Variants in NEDD9 observed in about 807,000 individuals in gnomAD.
NEDD9 encodes the protein enhancer of filamentation 1.
A neutral mutation model predicts 76.6 loss-of-function variants in NEDD9; 26 were observed. The observed-to-expected ratio is 0.34, with a 90% CI of 0.25 to 0.47. The LOEUF is 0.47. NEDD9 is among the 20% of genes least tolerant of loss of function. The probability of loss-of-function intolerance (pLI) is 1.00; values close to 1 mark genes in which losing one functional copy is unlikely to be tolerated. For missense variants in NEDD9, 937 were observed against 1,058.5 expected, an observed-to-expected ratio of 0.89 and a Z score of 1.59; for synonymous variants, 392 against 414.2, an observed-to-expected ratio of 0.95 and a Z score of 0.65.
chr6:11,380,664 A>C (rs755978312), intron 1 of NEDD9, among the ~76,000 whole-genome samples: 2 of 152,134 alleles, frequency 1.3e-5, no homozygotes, highest in Non-Finnish European at 2.9e-5. Context: ...ATTCAATCTA[A>C]TCCTTACCAC....
At chr6:11,316,379 T>C (rs1211126946) in intron 2 of NEDD9, among the ~76,000 whole-genome samples, 1 of 152,160 alleles carries the variant, frequency 6.6e-6, no homozygotes, top group Non-Finnish European at 1.5e-5. Context: ...TTCCTTCATC[T>C]CCCTTTACTC....
chr6:11,201,576 T>C (rs3778168), intron 2 of NEDD9, among the ~76,000 whole-genome samples: 8 of 152,216 alleles, frequency 5.3e-5, no homozygotes, highest in African/African-American at 1.7e-4. Flanking sequence ...GACAGAGAGA[T>C]GGGATGGAGA....
Position 11,213,343 on chromosome 6 carries a change from G to C in NEDD9, c.397C>G (p.Gln133Glu), listed in dbSNP as rs1758841632. 1 of 1,614,012 alleles carries C rather than the reference G, an allele frequency of 6.2e-7. No individual in the cohort carries two copies. The highest frequency in any genetic ancestry group is 1.3e-5 in the African/African-American group (1 of 74,904). The change falls in exon 2 of 7, where the codon CAG becomes GAG. Residue 133 changes from glutamine (Q) to glutamate (E), a missense_variant. Coordinates refer to ENST00000379446, the MANE Select transcript of NEDD9 (RefSeq NM_006403.4). The surrounding 1 kb of genome is among the most constrained non-coding windows in gnomAD (Gnocchi z 5.4). ...GHGTQEQEVY[Q>E]VPPSVQRSIG... ...CTTCTCTGCACTGATGGTGGCACCTGATATACCTCTTGTTCTTGGGTGCCG... is the reference window on the plus strand; with the variant it reads ...CTTCTCTGCACTGATGGTGGCACCTCATATACCTCTTGTTCTTGGGTGCCG...
rs1759935481 is a variant in NEDD9 at position 11,252,677 on chromosome 6, A to C, written c.13-38950T>G. 6.6e-6 allele frequency among the ~76,000 whole-genome samples: 1 copy of C among 152,246 alleles called. No homozygotes were observed. Among genetic ancestry groups the C allele is most frequent in the Non-Finnish European group, 1.5e-5 (1 of 68,042 alleles). On this transcript the variant is annotated intron_variant, in intron 3 of 3. Coordinates refer to the NEDD9 transcript ENST00000397378. This position sits in a 1 kb window ranked among gnomAD's most constrained non-coding sequence, Gnocchi z 4.3. The stretch of plus-strand genomic sequence containing the variant: ...AGCATTATTATCCTAATCAAAGTTG[A>C]AAATGACAAATAGAGGACAGAAATG...
upstream of NEDD9, among the ~76,000 whole-genome samples, chr6:11,233,657 A>G (rs989046962): frequency 1.3e-5 from 2 of 152,240 alleles, no homozygotes; most frequent in African/African-American, 2.4e-5. Context: ...GAAGCACAGA[A>G]CATAATTTCT....
chr6:11,232,753 C>G, upstream of NEDD9: 1 of 1,380,934 alleles, frequency 7.2e-7, no homozygotes, highest in South Asian at 1.5e-5. Flanking sequence ...CAAGGTAATG[C>G]TCAGGCCCTG....
At chr6:11,251,686 C>CA (rs1452210704) in intron 3 of NEDD9, 1 of 152,290 alleles carries the variant, frequency 6.6e-6, no homozygotes, top group Non-Finnish European at 1.5e-5. Flanking sequence ...CTTCTGGCCT[C>CA]AGACACAGTG....
Position 11,192,451 on chromosome 6 carries a change from A to G in NEDD9, c.562-5T>C, listed in dbSNP as rs775569101. The G allele has an allele frequency of 1.2e-6, 2 of 1,605,832 alleles. No homozygotes were observed. Among genetic ancestry groups the G allele is most frequent in the Middle Eastern group, 1.7e-4 (1 of 6,052 alleles). ...TGAGGGAGGGATGTCGTATACCTGAAGAGAAACCCGTGAGTTACCCAGAAT... is the reference window on the plus strand; with the variant it reads ...TGAGGGAGGGATGTCGTATACCTGAGGAGAAACCCGTGAGTTACCCAGAAT... On this transcript the variant is annotated splice_region_variant and splice_polypyrimidine_tract_variant and intron_variant, in intron 3 of 6. Transcript: ENST00000379446.
At chr6:11,192,265 C>A in intron 4 of NEDD9, 80 bp downstream of exon 4, 1 of 320,974 alleles carries the variant, frequency 3.1e-6, no homozygotes, top group Non-Finnish European at 5.6e-6. Context: ...AACTACTTAC[C>A]CACCCTCCCA....
At chr6:11,289,731 G>A (rs1760726611) in intron 3 of NEDD9, among the ~76,000 whole-genome samples, 1 of 152,144 alleles carries the variant, frequency 6.6e-6, no homozygotes, top group South Asian at 2.1e-4. Flanking sequence ...GATTACAGGC[G>A]TGAGCCACTG....
In NEDD9 at chr6:11,188,272, T is replaced by A. The variant is rs1391292975; in HGVS notation, c.1941A>T (p.Leu647=). 6.2e-7 allele frequency: 1 copy of A among 1,614,174 alleles called. No individual in the cohort carries two copies. The highest frequency in any genetic ancestry group is 8.5e-7 in the Non-Finnish European group (1 of 1,179,998). The change falls in exon 6 of 7, where the codon CTA becomes CTT. Residue 647 remains leucine (L), a synonymous_variant. Transcript: ENST00000379446. The part of the protein sequence containing the change: ...KEEFERQQKE[L]LEKENIMKQN... ...GTTTCATGATATTCTCTTTTTCCAA[T>A]AGCTCTTTCTGTTGCCTCTCAAACT...
In NEDD9 at chr6:11,184,505, C is replaced by G. The variant is rs1757928461; in HGVS notation, c.*657G>C. 1 of 152,302 alleles carries G rather than the reference C, an allele frequency of 6.6e-6. No individual in the cohort carries two copies. Among genetic ancestry groups the G allele is most frequent in the Admixed American group, 6.5e-5 (1 of 15,300 alleles). The allele number at this position is 152,302 out of a possible 1,614,324, so 9.4% of individuals were successfully genotyped here. ...TCCTGGCCTCTAAACACACAGGTCT[C>G]TCTTCCCTCCAGCACCTGAACTATC... is the stretch of plus-strand genomic sequence containing the variant. On this transcript the variant is annotated 3_prime_UTR_variant, in exon 7 of 7. Transcript: ENST00000379446.
chr6:11,335,029 A>T (rs191023915), intron 1 of NEDD9, among the ~76,000 whole-genome samples: 8 of 152,218 alleles, frequency 5.3e-5, no homozygotes, highest in South Asian at 2.1e-4. Context: ...GTTGCCGAAG[A>T]ACTTAACATC....
chr6:11,232,479 T>C (rs1201804543), intron 1 of NEDD9, 25 bp downstream of exon 1: 2 of 1,614,024 alleles, frequency 1.2e-6, no homozygotes, highest in African/African-American at 1.3e-5. Flanking sequence ...GCTTGCAAGG[T>C]AACCTGTAAA....
chr6:11,319,603 A>G (rs1195621966), intron 2 of NEDD9, among the ~76,000 whole-genome samples: 1 of 104,278 alleles, frequency 9.6e-6, no homozygotes, highest in Non-Finnish European at 1.9e-5. Context: ...CACACTAACC[A>G]TGCACACTCA....
At chr6:11,366,464 G>A (rs984363402) in intron 1 of NEDD9, among the ~76,000 whole-genome samples, 1 of 151,736 alleles carries the variant, frequency 6.6e-6, no homozygotes, top group Non-Finnish European at 1.5e-5. Flanking sequence ...AAGAGAGAAA[G>A]GAAAAGAAAG....
intron 2 of NEDD9, among the ~76,000 whole-genome samples, chr6:11,203,144 C>T (rs1382299275): frequency 6.6e-6 from 1 of 152,158 alleles, no homozygotes; most frequent in Middle Eastern, 3.2e-3. Context: ...AAGAACACGA[C>T]GGGAAATGAC....
chr6:11,283,482 A>G (rs577285860), intron 3 of NEDD9, among the ~76,000 whole-genome samples: 1 of 152,328 alleles, frequency 6.6e-6, no homozygotes, highest in Non-Finnish European at 1.5e-5. Context: ...GAACTTGAGT[A>G]GAATCTTGGT....
At chr6:11,313,500 A>G (rs1450207205) in intron 2 of NEDD9, among the ~76,000 whole-genome samples, 3 of 134,238 alleles carry the variant, frequency 2.2e-5, no homozygotes, top group African/African-American at 8.2e-5. Context: ...TGGATGGCAG[A>G]TGAATGAATA....
Sources: gnomAD v4.1 joint callset for allele counts (sites outside exome capture counted in the v4.1 genomes callset) on GRCh38, gnomAD v4.1.1 for gene constraint, Gnocchi (gnomAD v3.1) non-coding constraint, MANE v1.5 for transcripts, NCBI Gene and HGNC (gene_info 2026-07-23, HGNC 2026-07-21) for gene names.